COL26A1: variants seen among roughly 807,000 people sequenced by gnomAD.
COL26A1 encodes the protein collagen alpha-1(XXVI) chain.
In COL26A1, 41 loss-of-function variants were observed where a neutral mutation model predicts 59.3. The ratio of observed to expected loss-of-function variants is 0.69; its 90% CI spans 0.54 to 0.90. The LOEUF is 0.90. COL26A1 is among the 40% of genes least tolerant of loss of function. COL26A1 has a pLI of 0.00. For missense variants in COL26A1, 612 were observed against 602.3 expected, an observed-to-expected ratio of 1.02 and a Z score of -0.17; for synonymous variants, 266 against 256.0, an observed-to-expected ratio of 1.04 and a Z score of -0.37.
At chr7:101,463,519 C>T (rs955262054) in intron 3 of COL26A1, among the ~76,000 whole-genome samples, 3 of 99,274 alleles carry the variant, frequency 3.0e-5, no homozygotes, top group African/African-American at 9.0e-5. Flanking sequence ...TTCCCTTCCC[C>T]CCTCTTCCCC....
chr7:101,534,791 G>T (rs1045883845), intron 4 of COL26A1, among the ~76,000 whole-genome samples: 2 of 151,656 alleles, frequency 1.3e-5, no homozygotes, highest in African/African-American at 4.8e-5. Context: ...TCAGACATTT[G>T]TGGGACCACC....
At chr7:101,441,695 T>C (rs1223047383) in intron 2 of COL26A1, among the ~76,000 whole-genome samples, 2 of 152,108 alleles carry the variant, frequency 1.3e-5, no homozygotes, top group African/African-American at 4.8e-5. Context: ...GTCTGGTGCA[T>C]CTGGAGGGCT....
At chr7:101,421,651 GAA>G (rs34559844) in intron 2 of COL26A1, among the ~76,000 whole-genome samples, 1 of 142,422 alleles carries the variant, frequency 7.0e-6, no homozygotes. Flanking sequence ...CTCCAGCCTG[GAA>G]AAAAAAAAAA....
intron 3 of COL26A1, among the ~76,000 whole-genome samples, chr7:101,500,812 C>T (rs1165736791): frequency 5.9e-5 from 9 of 151,846 alleles, no homozygotes; most frequent in African/African-American, 1.2e-4. Context: ...CAGAGCGAGA[C>T]GCTGTCTCAA....
intron 5 of COL26A1, 47 bp downstream of exon 5, chr7:101,540,096 C>T (rs758110050): frequency 1.3e-6 from 2 of 1,560,762 alleles, no homozygotes; most frequent in Non-Finnish European, 1.7e-6. Context: ...CCGAAGGGAC[C>T]TTGGGCATGG....
chr7:101,493,991 G>T (rs1794527472), intron 3 of COL26A1, among the ~76,000 whole-genome samples: 1 of 151,658 alleles, frequency 6.6e-6, no homozygotes, highest in Non-Finnish European at 1.5e-5. Flanking sequence ...CAAACAGCAA[G>T]ATCCCACAGT....
chr7:101,380,166 A>T (rs1021830087), intron 1 of COL26A1, among the ~76,000 whole-genome samples: 27 of 150,998 alleles, frequency 1.8e-4, no homozygotes, highest in Admixed American at 1.8e-3. Flanking sequence ...TAATTTTTGT[A>T]TTTTTAGTAG....
intron 3 of COL26A1, among the ~76,000 whole-genome samples, chr7:101,460,762 TAG>T (rs763208378): frequency 1.3e-5 from 2 of 149,964 alleles, no homozygotes; most frequent in Non-Finnish European, 3.0e-5. Context: ...GCCTGGGTGA[TAG>T]AGAGAGACTC....
chr7:101,547,046 GC>G (rs1432797220), intron 7 of COL26A1, 109 bp from the exon 8 acceptor site: 12 of 678,574 alleles, frequency 1.8e-5, no homozygotes, highest in Admixed American at 2.8e-5. Context: ...GATGGGAGGA[GC>G]CCCCCTGGGC....
chr7:101,481,131 G>T (rs1563002732), intron 3 of COL26A1, among the ~76,000 whole-genome samples: 1 of 152,238 alleles, frequency 6.6e-6, no homozygotes, highest in East Asian at 1.9e-4. Flanking sequence ...TTCAGGCAAA[G>T]AGGAGATGCC....
intron 3 of COL26A1, among the ~76,000 whole-genome samples, chr7:101,469,495 CTTT>C (rs36116265): frequency 9.0e-5 from 13 of 145,166 alleles, no homozygotes; most frequent in Non-Finnish European, 1.4e-4. Flanking sequence ...CGATTTCTCT[CTTT>C]TTTTTTTTTT....
At position 101,539,996 on chromosome 7, in the gene COL26A1, C is replaced by T; in HGVS notation, c.551C>T (p.Ala184Val). The part of the protein sequence containing the change: ...PTWNEDFLPD[A>V]IPLAHPVPRQ... ...TGGAATGAGGACTTCCTCCCCGACG[C>T]CATCCCTCTTGCTCACCCTGTGCCA... Residue 184 changes from alanine (A) to valine (V), a missense_variant, in exon 5 of 13, where the codon GCC (alanine) becomes GTC (valine). Coordinates refer to ENST00000313669, the MANE Select transcript of COL26A1 (RefSeq NM_001278563.3). The T allele has an allele frequency of 6.2e-7, 1 of 1,613,670 alleles. No homozygotes were observed. The highest frequency in any genetic ancestry group is 8.5e-7 in the Non-Finnish European group (1 of 1,179,844).
At chr7:101,516,693 G>A (rs1457252287) in intron 3 of COL26A1, among the ~76,000 whole-genome samples, 1 of 152,148 alleles carries the variant, frequency 6.6e-6, no homozygotes, top group East Asian at 1.9e-4. Context: ...CGTGTCTTAA[G>A]GGCCAAACAA....
intron 1 of COL26A1, among the ~76,000 whole-genome samples, chr7:101,418,219 C>T (rs888386356): frequency 5.9e-5 from 9 of 152,066 alleles, no homozygotes; most frequent in Non-Finnish European, 1.2e-4. Flanking sequence ...CCTACCTGTC[C>T]AGCTCTTTCT....
intron 3 of COL26A1, among the ~76,000 whole-genome samples, chr7:101,449,098 G>A (rs939817094): frequency 3.3e-5 from 5 of 152,220 alleles, no homozygotes; most frequent in African/African-American, 1.2e-4. Flanking sequence ...GCTGGCAGGG[G>A]AGGCTGGGCT....
At chr7:101,468,315 T>A (rs1249876164) in intron 3 of COL26A1, among the ~76,000 whole-genome samples, 5 of 150,558 alleles carry the variant, frequency 3.3e-5, no homozygotes, top group African/African-American at 9.8e-5. Context: ...AAAAAAAAAA[T>A]AAAAGAAATT....
chr7:101,413,793 C>T (rs747750055), intron 1 of COL26A1, among the ~76,000 whole-genome samples: 40 of 152,158 alleles, frequency 2.6e-4, no homozygotes, highest in Non-Finnish European at 4.1e-4. Flanking sequence ...GTTCGAGGAC[C>T]AGGCCTGCCA....
intron 1 of COL26A1, among the ~76,000 whole-genome samples, chr7:101,417,130 A>G (rs868333633): frequency 6.6e-6 from 1 of 152,050 alleles, no homozygotes; most frequent in Non-Finnish European, 1.5e-5. Context: ...TTGCTTTACT[A>G]TTTTTTAAGG....
intron 3 of COL26A1, among the ~76,000 whole-genome samples, chr7:101,493,480 C>T (rs1480495566): frequency 6.6e-6 from 1 of 152,250 alleles, no homozygotes; most frequent in East Asian, 1.9e-4. Context: ...CAGCTGTCAC[C>T]TTGGCCAGGG....
Sources: allele counts gnomAD v4.1 joint callset (sites outside exome capture counted in the v4.1 genomes callset), GRCh38; gene constraint gnomAD v4.1.1; transcripts MANE v1.5; gene names NCBI Gene and HGNC (gene_info 2026-07-23, HGNC 2026-07-21).